Variants in APBA1 observed in about 807,000 individuals in gnomAD.
APBA1 encodes amyloid beta precursor protein binding family A member 1, also known as amyloid-beta A4 precursor protein-binding family A member 1.
In APBA1, 55 loss-of-function variants were observed where a neutral mutation model predicts 86.6. The ratio of observed to expected loss-of-function variants is 0.64; its 90% CI spans 0.51 to 0.80. The LOEUF (loss-of-function observed/expected upper bound fraction) is 0.80, where lower values mean the gene tolerates loss of function less well. Ranked by LOEUF, APBA1 falls within the 30% of genes least tolerant of loss-of-function variation. The pLI is 0.00. For missense variants in APBA1, 1,090 were observed against 1,183.0 expected (o/e 0.92, Z 1.15); for synonymous variants, 511 against 493.9 (o/e 1.03, Z -0.46).
chr9:69,583,110 G>A (rs187702520), intron 1 of APBA1, among the ~76,000 whole-genome samples: 42 of 152,304 alleles, frequency 2.8e-4, no homozygotes, highest in African/African-American at 8.2e-4. Context: ...TGGAACAGGC[G>A]CAGTACAGGC....
chr9:69,603,888 G>A (rs1448200646), intron 1 of APBA1, among the ~76,000 whole-genome samples: 4 of 152,178 alleles, frequency 2.6e-5, no homozygotes, highest in African/African-American at 4.8e-5. Context: ...CTCTAACAGA[G>A]AACGGCCTCT....
intron 1 of APBA1, among the ~76,000 whole-genome samples, chr9:69,529,776 A>C (rs968449234): frequency 6.6e-5 from 10 of 152,148 alleles, no homozygotes; most frequent in African/African-American, 2.2e-4. Context: ...AATAGGAGAA[A>C]ATATTTCCAA....
chr9:69,541,684 G>A (rs952597480), intron 1 of APBA1, among the ~76,000 whole-genome samples: 4 of 151,912 alleles, frequency 2.6e-5, no homozygotes, highest in African/African-American at 2.4e-5. Context: ...GCATTAGTAT[G>A]CTGTGAATTA....
At chr9:69,535,067 G>A (rs1836488243) in intron 1 of APBA1, among the ~76,000 whole-genome samples, 1 of 151,712 alleles carries the variant, frequency 6.6e-6, no homozygotes, top group South Asian at 2.1e-4. Context: ...TTTTATATTT[G>A]TCAAAATAAC....
chr9:69,581,464 A>C (rs536248942), intron 1 of APBA1, among the ~76,000 whole-genome samples: 1 of 152,318 alleles, frequency 6.6e-6, no homozygotes, highest in South Asian at 2.1e-4. Flanking sequence ...TGAGGGAAAT[A>C]TACTGCCTTC....
intron 1 of APBA1, among the ~76,000 whole-genome samples, chr9:69,636,926 A>AAGGAAAGAAGGAAG (rs1554708349): frequency 3.2e-5 from 1 of 31,450 alleles, no homozygotes; most frequent in Non-Finnish European, 6.3e-5. Flanking sequence ...AAGGAAGGAA[A>AAGGAAAGAAGGAAG]GAAAGAAAGA....
intron 7 of APBA1, 85 bp downstream of exon 7, chr9:69,456,968 C>T: frequency 8.6e-7 from 1 of 1,168,304 alleles, no homozygotes; most frequent in South Asian, 1.3e-5. Context: ...GCTCTACAGA[C>T]ACATGCCTGC....
At chr9:69,452,753 GAAT>G (rs2133810354) in intron 8 of APBA1, among the ~76,000 whole-genome samples, 1 of 152,322 alleles carries the variant, frequency 6.6e-6, no homozygotes, top group East Asian at 1.9e-4. Flanking sequence ...AACATTTCAA[GAAT>G]AATACCGTCT....
At chr9:69,431,889 C>G (rs1834603252) in intron 12 of APBA1, among the ~76,000 whole-genome samples, 1 of 152,102 alleles carries the variant, frequency 6.6e-6, no homozygotes, top group African/African-American at 2.4e-5. Flanking sequence ...TCAATGACAG[C>G]AGTGATGACT....
chr9:69,636,939 GAAAGA>G (rs1381264617), intron 1 of APBA1, among the ~76,000 whole-genome samples: 9 of 144,604 alleles, frequency 6.2e-5, no homozygotes, highest in African/African-American at 2.1e-4. Flanking sequence ...AAGAAAGAAA[GAAAGA>G]AAGAAAGAAA....
chr9:69,621,909 G>A (rs993190364), intron 1 of APBA1, among the ~76,000 whole-genome samples: 6 of 152,172 alleles, frequency 3.9e-5, no homozygotes, highest in African/African-American at 1.4e-4. Flanking sequence ...TGTTGGCTAT[G>A]ATTAGCAACA....
chr9:69,573,136 G>A (rs558658079), intron 1 of APBA1, among the ~76,000 whole-genome samples: 76 of 152,060 alleles, frequency 5.0e-4, no homozygotes, highest in African/African-American at 9.4e-4. Context: ...CTCCAGCCTC[G>A]CGACAGAGCA....
intron 9 of APBA1, among the ~76,000 whole-genome samples, chr9:69,451,038 C>G (rs890247105): frequency 6.6e-6 from 1 of 152,176 alleles, no homozygotes; most frequent in African/African-American, 2.4e-5. Flanking sequence ...TTGAAGTCAC[C>G]CAGTCCATGG....
At chr9:69,568,764 G>T (rs1379848279) in intron 1 of APBA1, among the ~76,000 whole-genome samples, 1 of 152,196 alleles carries the variant, frequency 6.6e-6, no homozygotes, top group Non-Finnish European at 1.5e-5. Context: ...CTACGCCTGG[G>T]TCCTCATGTC....
intron 1 of APBA1, among the ~76,000 whole-genome samples, chr9:69,630,626 T>C (rs1823023154): frequency 6.6e-6 from 1 of 152,164 alleles, no homozygotes; most frequent in Non-Finnish European, 1.5e-5. Flanking sequence ...CATGTCCAAA[T>C]GCAAAGGACA....
rs79686737 is a variant in APBA1, at chr9:69,661,652, T to C, written c.-70+10501A>G. 6.0e-3 allele frequency among the ~76,000 whole-genome samples: 907 copies of C among 152,226 alleles called. 9 individuals are homozygous for C. Among genetic ancestry groups the C allele is most frequent in the African/African-American group, 0.02 (848 of 41,524 alleles). On this transcript the variant is annotated intron_variant, in intron 1 of 12. Transcript: ENST00000265381. Reference sequence around the variant, plus strand: ...ACATTTAATCCCCAATGTGGCAGTATTGGGAGGTGCATGGGTCATGGGGGG... The same window carrying C: ...ACATTTAATCCCCAATGTGGCAGTACTGGGAGGTGCATGGGTCATGGGGGG...
In APBA1 at chr9:69,429,309, C is replaced by T. The variant is rs1310817619; in HGVS notation, c.*2018G>A. 1 of 152,284 alleles carries T rather than the reference C, an allele frequency of 6.6e-6. No homozygotes were observed. Among genetic ancestry groups the T allele is most frequent in the Non-Finnish European group, 1.5e-5 (1 of 68,066 alleles). The allele number at this position is 152,284 out of a possible 1,614,324, so 9.4% of individuals were successfully genotyped here. ...GATACTCTACAGCAAATGGAGAACC[C>T]TGGCCATGGTTCCTTCCTGGTCCTC... On this transcript the variant is annotated 3_prime_UTR_variant, in exon 13 of 13. Coordinates refer to ENST00000265381, the MANE Select transcript of APBA1 (RefSeq NM_001163.4).
intron 1 of APBA1, among the ~76,000 whole-genome samples, chr9:69,540,922 C>T (rs1836598716): frequency 6.6e-6 from 1 of 152,154 alleles, no homozygotes; most frequent in Admixed American, 6.5e-5. Context: ...ATTTTAGATT[C>T]CCCATATAGG....
intron 2 of APBA1, among the ~76,000 whole-genome samples, chr9:69,514,178 A>G (rs183474963): frequency 5.8e-4 from 88 of 152,376 alleles, no homozygotes; most frequent in Admixed American, 3.1e-3. Context: ...GCTCTTCACA[A>G]TGAAACACAA....
Sources: allele counts gnomAD v4.1 joint callset (sites outside exome capture counted in the v4.1 genomes callset), GRCh38; gene constraint gnomAD v4.1.1; transcripts MANE v1.5; gene names NCBI Gene and HGNC (gene_info 2026-07-23, HGNC 2026-07-21).